The following PALLD variants were observed in gnomAD, a reference collection of about 807,000 sequenced individuals.
PALLD encodes the protein palladin, cytoskeletal associated protein.
A neutral mutation model predicts 123.5 loss-of-function variants in PALLD; 61 were observed. The observed-to-expected ratio is 0.49, with a 90% CI of 0.40 to 0.61. The LOEUF (loss-of-function observed/expected upper bound fraction) is 0.61, where lower values mean the gene tolerates loss of function less well. PALLD is among the 20% of genes least tolerant of loss of function. The pLI is 0.00. For synonymous variants in PALLD, 465 were observed against 496.4 expected (o/e 0.94, Z 0.84); for missense variants, 1,273 against 1,377.0 (o/e 0.92, Z 1.20).
At chr4:168,809,276 C>T (rs1412747976) in intron 10 of PALLD, among the ~76,000 whole-genome samples, 1 of 151,910 alleles carries the variant, frequency 6.6e-6, no homozygotes, top group African/African-American at 2.4e-5. Context: ...CTCTGCTTTC[C>T]ACTCTGTGTT....
At chr4:168,876,383 C>T (rs1408385740) in intron 10 of PALLD, among the ~76,000 whole-genome samples, 1 of 152,220 alleles carries the variant, frequency 6.6e-6, no homozygotes, top group African/African-American at 2.4e-5. Context: ...AGTGACATGC[C>T]TACTTTTAAA....
At chr4:168,841,487 G>A (rs1746022170) in intron 10 of PALLD, among the ~76,000 whole-genome samples, 2 of 152,212 alleles carry the variant, frequency 1.3e-5, no homozygotes, top group Non-Finnish European at 2.9e-5. Context: ...GGCTTACTGA[G>A]GGAACCACAC....
chr4:168,667,910 G>T (rs531890875), intron 2 of PALLD, among the ~76,000 whole-genome samples: 1 of 152,278 alleles, frequency 6.6e-6, no homozygotes, highest in South Asian at 2.1e-4. Flanking sequence ...CTGAGTTTCT[G>T]TTCCTTTTAT....
At chr4:168,893,355 T>G (rs1397299529) in intron 11 of PALLD, among the ~76,000 whole-genome samples, 1 of 152,210 alleles carries the variant, frequency 6.6e-6, no homozygotes, top group Non-Finnish European at 1.5e-5. Context: ...CCTCTTCTTG[T>G]CCTCTGACCT....
At chr4:168,890,739 T>A (rs1000223435) in intron 10 of PALLD, among the ~76,000 whole-genome samples, 183 bp from the exon 11 acceptor site, 1 of 152,178 alleles carries the variant, frequency 6.6e-6, no homozygotes, top group African/African-American at 2.4e-5. Context: ...GAAACCTGGA[T>A]CCAATTAGTG....
At chr4:168,666,325 C>CA (rs1416245785) in intron 2 of PALLD, among the ~76,000 whole-genome samples, 1 of 152,178 alleles carries the variant, frequency 6.6e-6, no homozygotes, top group Non-Finnish European at 1.5e-5. Context: ...AATTCACAGA[C>CA]AGACTCAACT....
intron 2 of PALLD, among the ~76,000 whole-genome samples, chr4:168,666,206 C>A (rs1020629965): frequency 6.6e-6 from 1 of 152,138 alleles, no homozygotes; most frequent in Non-Finnish European, 1.5e-5. Context: ...GTACATCTAA[C>A]CAAAAGAAAC....
At chr4:168,791,976 A>G (rs745848971) in intron 10 of PALLD, among the ~76,000 whole-genome samples, 2 of 152,222 alleles carry the variant, frequency 1.3e-5, no homozygotes, top group Non-Finnish European at 2.9e-5. Flanking sequence ...GAACTATTCA[A>G]ATGAATACTT....
chr4:168,618,562 T>C (rs1037609556), intron 2 of PALLD, among the ~76,000 whole-genome samples: 1 of 151,742 alleles, frequency 6.6e-6, no homozygotes, highest in Non-Finnish European at 1.5e-5. Flanking sequence ...AGTCTCTATT[T>C]AACCCCTTTC....
intron 2 of PALLD, among the ~76,000 whole-genome samples, chr4:168,614,188 G>A (rs1173684897): frequency 6.6e-6 from 1 of 152,084 alleles, no homozygotes; most frequent in Non-Finnish European, 1.5e-5. Flanking sequence ...ATCATATTGA[G>A]CACTCTACTG....
chr4:168,894,388 T>A (rs937343796), intron 11 of PALLD, 191 bp from the exon 12 acceptor site: 5 of 609,214 alleles, frequency 8.2e-6, no homozygotes, highest in African/African-American at 7.4e-5. Flanking sequence ...ATTAGGCCAT[T>A]AGTACTAGAA....
intron 10 of PALLD, among the ~76,000 whole-genome samples, chr4:168,807,277 G>A (rs995718136): frequency 1.2e-4 from 18 of 144,902 alleles, no homozygotes; most frequent in Admixed American, 7.6e-4. Context: ...ACACACACAC[G>A]CACACACACA....
intron 10 of PALLD, among the ~76,000 whole-genome samples, chr4:168,749,889 A>G (rs1581262684): frequency 7.5e-6 from 1 of 134,028 alleles, no homozygotes; most frequent in African/African-American, 2.9e-5. Context: ...CTCTCCTCTC[A>G]TAGACCCCAG....
At chr4:168,552,668 TTTTTG>T (rs755666176) in intron 2 of PALLD, among the ~76,000 whole-genome samples, 30 of 152,048 alleles carry the variant, frequency 2.0e-4, no homozygotes, top group African/African-American at 7.0e-4. Flanking sequence ...TTCTTGTTTG[TTTTTG>T]TTTTGTTTTG....
chr4:168,559,695 G>C (rs368023714), intron 2 of PALLD, among the ~76,000 whole-genome samples: 2 of 152,030 alleles, frequency 1.3e-5, no homozygotes, highest in African/African-American at 2.4e-5. Context: ...CCAGGAGGTC[G>C]AGACAGGCCT....
chr4:168,526,333 T>C (rs535624774), intron 2 of PALLD, among the ~76,000 whole-genome samples: 1 of 152,346 alleles, frequency 6.6e-6, no homozygotes. Context: ...CTTTCAGATT[T>C]TGACAAATCA....
At chr4:168,808,779 C>T (rs888394491) in intron 10 of PALLD, among the ~76,000 whole-genome samples, 12 of 152,294 alleles carry the variant, frequency 7.9e-5, no homozygotes, top group Admixed American at 7.8e-4. Context: ...ACCATCAGAT[C>T]TCATGAGACT....
At chr4:168,814,802 G>C (rs1438053459) in intron 10 of PALLD, among the ~76,000 whole-genome samples, 1 of 152,062 alleles carries the variant, frequency 6.6e-6, no homozygotes, top group African/African-American at 2.4e-5. Flanking sequence ...ACACAGTCTC[G>C]CTCTGTCACC....
chr4:168,733,881 C>CGAG (rs1787438875), intron 10 of PALLD, among the ~76,000 whole-genome samples: 1 of 152,114 alleles, frequency 6.6e-6, no homozygotes, highest in Admixed American at 6.6e-5. Context: ...ACTACAGGCG[C>CGAG]CCGCCACCGC....
Sources: gnomAD v4.1 joint callset for allele counts (sites outside exome capture counted in the v4.1 genomes callset) on GRCh38, gnomAD v4.1.1 for gene constraint, MANE v1.5 for transcripts, NCBI Gene and HGNC (gene_info 2026-07-23, HGNC 2026-07-21) for gene names.